Variants in MOGAT2 observed in about 807,000 individuals in gnomAD.
The protein encoded by MOGAT2 is 2-acylglycerol O-acyltransferase 2.
In MOGAT2, 27 loss-of-function variants were observed where a neutral mutation model predicts 31.5. The observed-to-expected ratio is 0.86, with a 90% CI of 0.63 to 1.18. The LOEUF is 1.18. MOGAT2 is among the 50% of genes most tolerant of loss of function. MOGAT2 has a pLI of 0.00. For synonymous variants in MOGAT2, 163 were observed against 170.0 expected (o/e 0.96, Z 0.32); for missense variants, 436 against 433.2 (o/e 1.01, Z -0.06).
chr11:75,731,047 C>A (rs747091578), intron 5 of MOGAT2, 85 bp from the exon 6 acceptor site: 484 of 1,243,192 alleles, frequency 3.9e-4, no homozygotes, highest in Non-Finnish European at 5.1e-4. Context: ...GAGCACTTTT[C>A]TGCAGGGATG....
chr11:75,722,143 G>A (rs1944381757), intron 2 of MOGAT2, among the ~76,000 whole-genome samples: 1 of 152,116 alleles, frequency 6.6e-6, no homozygotes. Flanking sequence ...TTTCCTGCAG[G>A]GCCCACTCCT....
intron 1 of MOGAT2, 198 bp from the exon 2 acceptor site, chr11:75,719,794 A>G: frequency 1.7e-6 from 1 of 578,048 alleles, no homozygotes; most frequent in African/African-American, 1.9e-5. Flanking sequence ...TCCCAGTGAC[A>G]CTGGGCTGGC....
At position 75,727,636 on chromosome 11, in the gene MOGAT2, G is replaced by T. The variant is rs1241388920; in HGVS notation, c.472G>T (p.Ala158Ser). The change falls in exon 3 of 6, where the codon GCA becomes TCA. Residue 158 changes from alanine (A) to serine (S), a missense_variant. Transcript: ENST00000198801. ...CTTCTTCAGAGATTACATCATGTCT[G>T]CAGGTGAGTCTTTCTACCCCTGAGC... ...APFFRDYIMS[A>S]GLVTSEKESA... 1 of 1,613,376 alleles carries T rather than the reference G, an allele frequency of 6.2e-7. No homozygotes were observed. The highest frequency in any genetic ancestry group is 1.7e-5 in the Admixed American group (1 of 59,938).
Position 75,729,740 on chromosome 11 carries a change from C to CTTTTTTTTTTTTTTTTTT in MOGAT2, c.850+763_850+764insTTTTTTTTTTTTTTTTTT, listed in dbSNP as rs543037592. Among the ~76,000 whole-genome samples, 2 of 121,402 alleles carry CTTTTTTTTTTTTTTTTTT rather than the reference C, an allele frequency of 1.6e-5. 1 individual carries two copies. Among genetic ancestry groups the CTTTTTTTTTTTTTTTTTT allele is most frequent in the African/African-American group, 6.7e-5 (2 of 29,946 alleles). 79.6% of individuals were successfully genotyped at this position (121,402 alleles called of 152,430 possible). A position where few individuals can be genotyped will look rare whatever the true frequency, so the allele number is the denominator to read the frequency against. On this transcript the variant is annotated intron_variant, in intron 5 of 5. Transcript: ENST00000198801. ...AATGCCAGAGAAGGAGGGTTTAATT[C>CTTTTTTTTTTTTTTTTTT]TTTTTTTTTTTTGTTTTTTTTTGAG... is the stretch of plus-strand genomic sequence containing the variant.
At chr11:75,723,379 G>T (rs1178002305) in intron 2 of MOGAT2, among the ~76,000 whole-genome samples, 1 of 152,086 alleles carries the variant, frequency 6.6e-6, no homozygotes, top group Non-Finnish European at 1.5e-5. Context: ...TGTTCATTTT[G>T]ACTATGTCCT....
intron 2 of MOGAT2, among the ~76,000 whole-genome samples, chr11:75,721,053 C>A (rs998583148): frequency 6.6e-6 from 1 of 151,996 alleles, no homozygotes; most frequent in African/African-American, 2.4e-5. Context: ...CAGGCAGGGG[C>A]AGTTGGCCCT....
intron 5 of MOGAT2, 41 bp downstream of exon 5, chr11:75,729,030 A>G (rs749880145): frequency 1.3e-6 from 2 of 1,598,604 alleles, no homozygotes; most frequent in Non-Finnish European, 8.6e-7. Context: ...GGCCAAAGGG[A>G]CAGGGCAGGT....
In MOGAT2 at chr11:75,731,349, T is replaced by C; in HGVS notation, c.*63T>C. The C allele has an allele frequency of 2.6e-6, 4 of 1,554,596 alleles. No homozygotes were observed. The highest frequency in any genetic ancestry group is 3.5e-6 in the Non-Finnish European group (4 of 1,152,110). On this transcript the variant is annotated 3_prime_UTR_variant, in exon 6 of 6. Coordinates refer to ENST00000198801, the MANE Select transcript of MOGAT2 (RefSeq NM_025098.4). ...GAGGTGCTGTGCTGAGAAGACTTCC[T>C]GGAGGTGTTTGTTGAACATATCTGC...
chr11:75,723,511 A>T (rs562259071), intron 2 of MOGAT2, among the ~76,000 whole-genome samples: 1 of 133,206 alleles, frequency 7.5e-6, no homozygotes, highest in South Asian at 2.7e-4. Context: ...GACAGTAGGG[A>T]TCCTCATTCC....
chr11:75,722,079 G>A (rs2135732341), intron 2 of MOGAT2, among the ~76,000 whole-genome samples: 1 of 152,302 alleles, frequency 6.6e-6, no homozygotes, highest in African/African-American at 2.4e-5. Flanking sequence ...GGCGGAACAT[G>A]GTCTAGCCTG....
intron 4 of MOGAT2, 123 bp downstream of exon 4, chr11:75,728,267 C>A (rs1307053143): frequency 3.4e-6 from 4 of 1,189,242 alleles, no homozygotes; most frequent in Non-Finnish European, 4.8e-6. Context: ...AGTCCATTCA[C>A]AATTAAGATT....
chr11:75,726,466 T>G (rs974489503), intron 2 of MOGAT2, among the ~76,000 whole-genome samples: 3 of 152,184 alleles, frequency 2.0e-5, no homozygotes, highest in African/African-American at 7.2e-5. Flanking sequence ...TATAAAATGA[T>G]GTAATATTTG....
intron 2 of MOGAT2, among the ~76,000 whole-genome samples, chr11:75,721,945 G>T (rs1387859899): frequency 6.6e-6 from 1 of 152,218 alleles, no homozygotes; most frequent in African/African-American, 2.4e-5. Context: ...CAGCTGGAAT[G>T]CAGGAGCCTC....
rs756876464 is a variant in MOGAT2 at position 75,727,531 on chromosome 11, A to G, written c.367A>G (p.Thr123Ala). The change falls in exon 3 of 6, where the codon ACT (threonine) becomes GCT (alanine). Residue 123 changes from threonine (T) to alanine (A), a missense_variant. By Grantham distance (58) the Thr-to-Ala change is moderately conservative. Transcript: ENST00000198801. ...AGTCGGAGCCTTTGCCAACCTGTGC[A>G]CTGAGAGCACAGGCTTCTCTTCGAT... is the stretch of plus-strand genomic sequence containing the variant. ...LAVGAFANLC[T>A]ESTGFSSIFP... 6.2e-6 allele frequency: 10 copies of G among 1,614,040 alleles called. No individual in the cohort carries two copies. The highest frequency in any genetic ancestry group is 1.1e-5 in the South Asian group (1 of 91,084).
rs375316148 is a variant in MOGAT2 at position 75,731,289 on chromosome 11, C to A, written c.*3C>A. Reference sequence around the variant, plus strand: ...ACCAGCACTTGGAGTTCTGCTGAGCCCAAAGGGCAGGGCCAACATTAGGGA... The same window carrying A: ...ACCAGCACTTGGAGTTCTGCTGAGCACAAAGGGCAGGGCCAACATTAGGGA... On this transcript the variant is annotated 3_prime_UTR_variant, in exon 6 of 6. Transcript: ENST00000198801. The A allele has an allele frequency of 3.7e-6, 6 of 1,613,678 alleles. No individual in the cohort carries two copies. The highest frequency in any genetic ancestry group is 5.1e-6 in the Non-Finnish European group (6 of 1,179,788).
At chr11:75,731,091 C>T (rs760442989) in intron 5 of MOGAT2, 41 bp from the exon 6 acceptor site, 2 of 1,588,902 alleles carry the variant, frequency 1.3e-6, no homozygotes, top group Admixed American at 3.5e-5. Flanking sequence ...CCGAGGGTCC[C>T]TTGCCTACCC....
intron 2 of MOGAT2, among the ~76,000 whole-genome samples, chr11:75,725,335 A>G (rs1323477285): frequency 6.6e-6 from 1 of 152,160 alleles, no homozygotes; most frequent in African/African-American, 2.4e-5. Context: ...ACACGAGGCC[A>G]GGAGTTTGAG....
chr11:75,720,312 C>T (rs898899198), intron 2 of MOGAT2, 142 bp downstream of exon 2: 20 of 855,686 alleles, frequency 2.3e-5, no homozygotes, highest in African/African-American at 1.3e-4. Context: ...CTAGGGCTTC[C>T]GCTACTATGT....
chr11:75,725,547 C>CATAAATAAATAAATAAATAAATAAATAA (rs56400236), intron 2 of MOGAT2, among the ~76,000 whole-genome samples: 5 of 146,596 alleles, frequency 3.4e-5, no homozygotes, highest in African/African-American at 1.3e-4. Context: ...GACTCTGTCT[C>CATAAATAAATAAATAAATAAATAAATAA]ATAAATAAAT....
Sources: gnomAD v4.1 joint callset for allele counts (sites outside exome capture counted in the v4.1 genomes callset) on GRCh38, gnomAD v4.1.1 for gene constraint, MANE v1.5 for transcripts, NCBI Gene and HGNC (gene_info 2026-07-23, HGNC 2026-07-21) for gene names.